FER: variants seen among roughly 807,000 people sequenced by gnomAD.
FER encodes tyrosine-protein kinase Fer.
A neutral mutation model predicts 111.0 loss-of-function variants in FER; 63 were observed. The ratio of observed to expected loss-of-function variants is 0.57; its 90% CI spans 0.46 to 0.70. FER has a LOEUF of 0.70. Ranked by LOEUF, FER falls within the 30% of genes least tolerant of loss-of-function variation. FER has a pLI of 0.00. For missense variants in FER, 914 were observed against 954.0 expected (o/e 0.96, Z 0.55); for synonymous variants, 327 against 313.9 (o/e 1.04, Z -0.44).
intron 13 of FER, among the ~76,000 whole-genome samples, chr5:108,973,341 T>C (rs1760923913): frequency 6.6e-6 from 1 of 152,142 alleles, no homozygotes; most frequent in African/African-American, 2.4e-5. Flanking sequence ...TAGACTAAGT[T>C]TGCATGCTAA....
intron 13 of FER, among the ~76,000 whole-genome samples, chr5:108,970,216 T>TTTTA (rs1760451288): frequency 6.8e-6 from 1 of 147,858 alleles, no homozygotes; most frequent in South Asian, 2.1e-4. Flanking sequence ...ATTTATTTAT[T>TTTTA]TTTATTTATT....
intron 17 of FER, chr5:109,177,513 A>C (rs1044723698): frequency 2.6e-5 from 4 of 152,092 alleles, no homozygotes; most frequent in African/African-American, 9.7e-5. Flanking sequence ...TTCCTGGCTT[A>C]CTGTACGATT....
chr5:108,847,945 T>C (rs1343527346), intron 5 of FER, among the ~76,000 whole-genome samples: 2 of 152,142 alleles, frequency 1.3e-5, no homozygotes, highest in South Asian at 2.1e-4. Flanking sequence ...AGTGCAGTGG[T>C]GGTGCGATCA....
At position 109,194,346 on chromosome 5, in the gene FER, G is replaced by C. The variant is rs1390710014; in HGVS notation, c.*6771G>C. The C allele has an allele frequency of 6.6e-6, 1 of 152,146 alleles. No homozygotes were observed. Among genetic ancestry groups the C allele is most frequent in the African/African-American group, 2.4e-5 (1 of 41,428 alleles). The allele number at this position is 152,146 out of a possible 1,614,324, so 9.4% of individuals were successfully genotyped here. On this transcript the variant is annotated 3_prime_UTR_variant, in exon 20 of 20. Coordinates refer to ENST00000281092, the MANE Select transcript of FER (RefSeq NM_005246.4). Reference sequence around the variant, plus strand: ...ATATGAAGCCTTAAGTTCAAAATAAGTCATTCTACCTAGAAATACAGACCC... The same window carrying C: ...ATATGAAGCCTTAAGTTCAAAATAACTCATTCTACCTAGAAATACAGACCC...
At chr5:108,867,104 T>G (rs182946568) in intron 5 of FER, among the ~76,000 whole-genome samples, 1 of 152,268 alleles carries the variant, frequency 6.6e-6, no homozygotes, top group African/African-American at 2.4e-5. Context: ...AACTTTGTTC[T>G]TTCCATGTAT....
intron 13 of FER, among the ~76,000 whole-genome samples, chr5:109,021,529 G>A (rs1767923603): frequency 6.6e-6 from 1 of 151,982 alleles, no homozygotes; most frequent in Non-Finnish European, 1.5e-5. Flanking sequence ...TAGAATAAAA[G>A]TGTTTTTCCT....
chr5:108,992,637 A>C (rs1295008522), intron 13 of FER, among the ~76,000 whole-genome samples: 1,460 of 126,334 alleles, frequency 0.012, 5 homozygotes, highest in African/African-American at 0.015. Flanking sequence ...GGGGCTGACC[A>C]CCCCACCTCC....
At chr5:109,174,933 A>T (rs575007348) in intron 17 of FER, among the ~76,000 whole-genome samples, 2 of 152,250 alleles carry the variant, frequency 1.3e-5, no homozygotes, top group Admixed American at 6.5e-5. Context: ...GGGCTTTGTG[A>T]CCTTGGGCAA....
intron 5 of FER, among the ~76,000 whole-genome samples, chr5:108,854,327 A>G (rs1228586966): frequency 2.6e-5 from 4 of 152,214 alleles, no homozygotes; most frequent in East Asian, 3.9e-4. Flanking sequence ...GTGTACGACC[A>G]TTATACTTCG....
At chr5:108,974,177 A>G (rs1188610169) in intron 13 of FER, among the ~76,000 whole-genome samples, 2 of 152,210 alleles carry the variant, frequency 1.3e-5, no homozygotes, top group Admixed American at 6.5e-5. Context: ...GACTATGACA[A>G]TATTTGCCTC....
At chr5:108,947,535 T>C (rs1263061276) in intron 11 of FER, among the ~76,000 whole-genome samples, 1 of 152,080 alleles carries the variant, frequency 6.6e-6, no homozygotes, top group Non-Finnish European at 1.5e-5. Context: ...TTGCACATTT[T>C]AAAATTGCTT....
intron 13 of FER, among the ~76,000 whole-genome samples, chr5:108,964,352 C>G (rs970978686): frequency 9.2e-5 from 14 of 152,102 alleles, no homozygotes; most frequent in Non-Finnish European, 1.9e-4. Context: ...TAAATGGAAA[C>G]AGGGAGTTAT....
intron 17 of FER, among the ~76,000 whole-genome samples, chr5:109,126,793 C>T (rs1393925942): frequency 6.6e-6 from 1 of 152,174 alleles, no homozygotes; most frequent in African/African-American, 2.4e-5. Context: ...AAGGTATACA[C>T]TAGCTTTGAT....
chr5:109,146,750 A>G (rs529924666), intron 17 of FER, among the ~76,000 whole-genome samples: 1 of 150,768 alleles, frequency 6.6e-6, no homozygotes, highest in African/African-American at 2.4e-5. Context: ...TGCAGTACTG[A>G]CAGAATGAAC....
In FER at chr5:109,052,161, C is replaced by G; in HGVS notation, c.1924+4963C>G. ...TGTTCAGTTTCTCTTCCTTTTGCAT[C>G]ACATAGAACACATGAGCCAGGTACA... is the stretch of plus-strand genomic sequence containing the variant. On this transcript the variant is annotated intron_variant, in intron 16 of 19. Coordinates refer to ENST00000281092, the MANE Select transcript of FER (RefSeq NM_005246.4). The G allele has an allele frequency of 1.9e-6, 3 of 1,607,702 alleles. No individual in the cohort carries two copies. The Admixed American group carries it at 5.0e-5, about 27-fold the overall frequency.
Position 108,848,988 on chromosome 5 carries a change from A to T in FER, c.481+13181A>T, listed in dbSNP as rs1277983925. On this transcript the variant is annotated intron_variant, in intron 5 of 19. Coordinates refer to ENST00000281092, the MANE Select transcript of FER (RefSeq NM_005246.4). Reference sequence around the variant, plus strand: ...TTTATGTATTTAAAGATGTTTCTCCAGTGCCTTGTCACGGAGAAATCTGCT... The same window carrying T: ...TTTATGTATTTAAAGATGTTTCTCCTGTGCCTTGTCACGGAGAAATCTGCT... Among the ~76,000 whole-genome samples the T allele has an allele frequency of 2.0e-5, 3 of 151,884 alleles. No individual in the cohort carries two copies. The East Asian group carries it at 5.8e-4, about 29-fold the overall frequency.
chr5:108,835,524 G>C (rs761887728), intron 4 of FER, among the ~76,000 whole-genome samples, 184 bp from the exon 5 acceptor site: 30 of 151,994 alleles, frequency 2.0e-4, no homozygotes, highest in South Asian at 2.1e-4. Context: ...GTTTTCACAT[G>C]CTATTGAATT....
rs1052579502 is a variant in FER, at chr5:109,089,918, G to T, written c.1925-10478G>T. ...CAAGGGAGAGTAGAAGTGGCTTCCT[G>T]TGGTACCAAAGGACCTACTGTGCTG... On this transcript the variant is annotated intron_variant, in intron 16 of 19. Transcript: ENST00000281092. Among the ~76,000 whole-genome samples the T allele has an allele frequency of 7.2e-5, 11 of 152,198 alleles. No individual in the cohort carries two copies. The East Asian group carries it at 2.1e-3, about 29-fold the overall frequency.
At chr5:109,186,424 G>C in intron 19 of FER, 102 bp downstream of exon 19, 1 of 1,549,524 alleles carries the variant, frequency 6.5e-7, no homozygotes, top group Non-Finnish European at 8.8e-7. Context: ...ATACTGTTTG[G>C]TTGTGTTATG....
Sources: gnomAD v4.1 joint callset for allele counts (sites outside exome capture counted in the v4.1 genomes callset) on GRCh38, gnomAD v4.1.1 for gene constraint, MANE v1.5 for transcripts, NCBI Gene and HGNC (gene_info 2026-07-23, HGNC 2026-07-21) for gene names.